Variants in DLG2 observed in about 807,000 individuals in gnomAD.
The protein encoded by DLG2 is disks large homolog 2.
Under a neutral mutation model 132.5 loss-of-function variants are expected in DLG2, and 45 were observed. The observed-to-expected ratio is 0.34, with a 90% CI of 0.27 to 0.44. The LOEUF (loss-of-function observed/expected upper bound fraction) is 0.44, where lower values mean the gene tolerates loss of function less well. DLG2 is among the 20% of genes least tolerant of loss of function. The pLI, the probability that DLG2 is intolerant of heterozygous loss-of-function variation, is 1.00. For missense variants in DLG2, 1,045 were observed against 1,196.9 expected (o/e 0.87, Z 1.87); for synonymous variants, 424 against 419.6 (o/e 1.01, Z -0.13).
chr11:84,170,095 T>A (rs1028128017), intron 8 of DLG2, among the ~76,000 whole-genome samples: 1 of 152,148 alleles, frequency 6.6e-6, no homozygotes, highest in Non-Finnish European at 1.5e-5. Context: ...TCTGACACCA[T>A]GCCTTGATCA....
Position 84,450,276 on chromosome 11 carries a change from A to T in DLG2, c.519+84294T>A, listed in dbSNP as rs113076836. Among the ~76,000 whole-genome samples, 490 of 152,038 alleles carry T rather than the reference A, an allele frequency of 3.2e-3. 7 individuals are homozygous for T. Among genetic ancestry groups the T allele is most frequent in the East Asian group, 0.022 (113 of 5,176 alleles). ...TGTCATGTGGTAGCTTATGACAAAA[A>T]AAATAAATAAAAGCAGCAAGTTCTA... On this transcript the variant is annotated intron_variant, in intron 7 of 27. Coordinates refer to ENST00000376104, the MANE Select transcript of DLG2 (RefSeq NM_001142699.3).
chr11:84,670,185 A>G (rs536428082), intron 6 of DLG2, among the ~76,000 whole-genome samples: 2 of 152,138 alleles, frequency 1.3e-5, no homozygotes, highest in East Asian at 3.9e-4. Context: ...TCGCATTTAC[A>G]CCATTCTGAG....
At chr11:84,956,744 A>C (rs1000140337) in intron 6 of DLG2, among the ~76,000 whole-genome samples, 2 of 152,158 alleles carry the variant, frequency 1.3e-5, no homozygotes, top group Non-Finnish European at 2.9e-5. Flanking sequence ...TTCTCCAACC[A>C]ATAGATTAAA....
At chr11:84,611,303 G>A (rs1052208805) in intron 6 of DLG2, among the ~76,000 whole-genome samples, 3 of 152,024 alleles carry the variant, frequency 2.0e-5, no homozygotes, top group Admixed American at 2.0e-4. Flanking sequence ...AACAGACAAA[G>A]GTCCATATGC....
chr11:83,651,626 GAAGA>G (rs1468095628), intron 18 of DLG2: 2 of 266,758 alleles, frequency 7.5e-6, no homozygotes, highest in African/African-American at 2.2e-5. Flanking sequence ...TGTTGAAGAA[GAAGA>G]AAGAAGAGGA....
At chr11:84,829,012 C>T (rs1436607318) in intron 6 of DLG2, among the ~76,000 whole-genome samples, 2 of 151,634 alleles carry the variant, frequency 1.3e-5, no homozygotes, top group African/African-American at 4.8e-5. Context: ...TTCAACAGAA[C>T]CCGCCTCAGG....
At chr11:84,960,299 C>T (rs919635923) in intron 6 of DLG2, among the ~76,000 whole-genome samples, 4 of 152,026 alleles carry the variant, frequency 2.6e-5, no homozygotes, top group East Asian at 1.9e-4. Flanking sequence ...CTCTATCTGC[C>T]GTAAATGAAA....
At chr11:84,985,839 A>C (rs1315944119) in intron 6 of DLG2, among the ~76,000 whole-genome samples, 1 of 151,844 alleles carries the variant, frequency 6.6e-6, no homozygotes, top group Non-Finnish European at 1.5e-5. Flanking sequence ...CAAAAATACA[A>C]AAATTAGCAG....
chr11:85,594,439 T>A (rs1295629569), intron 3 of DLG2, among the ~76,000 whole-genome samples: 1 of 152,230 alleles, frequency 6.6e-6, no homozygotes, highest in Non-Finnish European at 1.5e-5. Flanking sequence ...ATTTACCGCT[T>A]GTTCTCCTCT....
chr11:84,357,992 T>G (rs2098627946), intron 7 of DLG2, among the ~76,000 whole-genome samples: 1 of 151,956 alleles, frequency 6.6e-6, no homozygotes, highest in East Asian at 1.9e-4. Flanking sequence ...ATAAAAGATT[T>G]CTACATATAC....
chr11:85,484,452 T>A (rs2093379970), intron 3 of DLG2, among the ~76,000 whole-genome samples: 1 of 150,936 alleles, frequency 6.6e-6, no homozygotes, highest in Non-Finnish European at 1.5e-5. Flanking sequence ...AACCTACTCA[T>A]CTGACAAAGG....
intron 7 of DLG2, among the ~76,000 whole-genome samples, chr11:84,412,996 A>G (rs2098914972): frequency 6.6e-6 from 1 of 152,202 alleles, no homozygotes; most frequent in Non-Finnish European, 1.5e-5. Flanking sequence ...TATATTTCTT[A>G]GTATGCATGC....
At chr11:84,899,352 A>C (rs2090600006) in intron 6 of DLG2, among the ~76,000 whole-genome samples, 2 of 152,080 alleles carry the variant, frequency 1.3e-5, no homozygotes, top group Non-Finnish European at 2.9e-5. Flanking sequence ...AATCTGAGTC[A>C]CTGCCACAAT....
At chr11:84,316,064 G>GA (rs1361559971) in intron 7 of DLG2, among the ~76,000 whole-genome samples, 1 of 152,012 alleles carries the variant, frequency 6.6e-6, no homozygotes, top group Non-Finnish European at 1.5e-5. Context: ...AATGAAGAGA[G>GA]AAAAAAATGA....
chr11:84,112,202 G>T (rs1056460005), intron 9 of DLG2, among the ~76,000 whole-genome samples: 2 of 150,890 alleles, frequency 1.3e-5, no homozygotes, highest in Non-Finnish European at 2.9e-5. Context: ...GTTTCGCCGT[G>T]TTAGCCAGGA....
At chr11:85,036,433 G>T (rs1252952469) in intron 6 of DLG2, among the ~76,000 whole-genome samples, 1 of 152,068 alleles carries the variant, frequency 6.6e-6, no homozygotes, top group East Asian at 1.9e-4. Context: ...CTAACACGTG[G>T]TCTCAATAAA....
intron 2 of DLG2, among the ~76,000 whole-genome samples, chr11:85,604,821 A>G (rs2080414711): frequency 1.3e-5 from 2 of 152,226 alleles, no homozygotes; most frequent in South Asian, 2.1e-4. Context: ...TATATTGTAC[A>G]TGGTTTAAGA....
intron 22 of DLG2, among the ~76,000 whole-genome samples, chr11:83,480,071 C>T (rs1311174758): frequency 6.6e-6 from 1 of 152,046 alleles, no homozygotes. Flanking sequence ...TAAAAATCCA[C>T]CACGTTGAAC....
intron 17 of DLG2, among the ~76,000 whole-genome samples, chr11:83,831,002 G>C (rs1447244791): frequency 6.6e-6 from 1 of 152,178 alleles, no homozygotes; most frequent in African/African-American, 2.4e-5. Flanking sequence ...TAGAATTTTA[G>C]AATCAATCTT....
Sources: allele counts gnomAD v4.1 joint callset (sites outside exome capture counted in the v4.1 genomes callset), GRCh38; gene constraint gnomAD v4.1.1; transcripts MANE v1.5; gene names NCBI Gene and HGNC (gene_info 2026-07-23, HGNC 2026-07-21).